The following LZTS2 variants were observed in gnomAD, a reference collection of about 807,000 sequenced individuals.
The protein encoded by LZTS2 is leucine zipper tumor suppressor 2, also known as leucine zipper putative tumor suppressor 2.
LZTS2 carries 32 observed loss-of-function variants against 60.6 expected under a neutral mutation model. The ratio of observed to expected loss-of-function variants is 0.53; its 90% CI spans 0.40 to 0.71. LZTS2 has a LOEUF of 0.71. LZTS2 is among the 30% of genes least tolerant of loss of function. The pLI, the probability that LZTS2 is intolerant of heterozygous loss-of-function variation, is 0.00. For synonymous variants in LZTS2, 360 were observed against 393.1 expected (o/e 0.92, Z 1.00); for missense variants, 792 against 901.9 (o/e 0.88, Z 1.56).
chr10:101,000,127 G>T (rs79377069), exon 1 of LZTS2: 12,965 of 152,458 alleles, frequency 0.085, 683 homozygotes, highest in Non-Finnish European at 0.12. Flanking sequence ...ACTCGTGATC[G>T]CAGACTTGAC....
intron 1 of LZTS2, 48 bp downstream of exon 2, chr10:101,002,994 G>T (rs375309532): frequency 6.5e-7 from 1 of 1,538,862 alleles, no homozygotes; most frequent in African/African-American, 1.4e-5. Flanking sequence ...GGGAGTCCTC[G>T]CTTGGGAAAC....
chr10:101,004,788 G>T (rs566287392), intron 2 of LZTS2, among the ~76,000 whole-genome samples: 1 of 152,314 alleles, frequency 6.6e-6, no homozygotes, highest in East Asian at 1.9e-4. Context: ...AAGGCAAAAG[G>T]TGTAAAGTGA....
At chr10:101,006,873 G>A (rs867826330) in exon 4 of LZTS2, 8 of 1,527,852 alleles carry the variant, frequency 5.2e-6, no homozygotes, top group Middle Eastern at 1.9e-4. Flanking sequence ...GGCAGCTTGC[G>A]GGCCCAGGTG....
At chr10:101,003,819 A>T in exon 2 of LZTS2, 9 of 1,613,416 alleles carry the variant, frequency 5.6e-6, no homozygotes, top group Non-Finnish European at 7.6e-6. Context: ...GCCAACCACC[A>T]GCTCCCCAGG....
intron 2 of LZTS2, among the ~76,000 whole-genome samples, chr10:101,004,746 C>T (rs1232960795): frequency 6.6e-6 from 1 of 152,166 alleles, no homozygotes; most frequent in Non-Finnish European, 1.5e-5. Context: ...AGGGATATTT[C>T]TAGCTTCGTA....
At chr10:100,998,017 AC>A (rs551709391), upstream of LZTS2, among the ~76,000 whole-genome samples, 1 of 152,204 alleles carries the variant, frequency 6.6e-6, no homozygotes, top group African/African-American at 2.4e-5. Context: ...CCCGCCTGTT[AC>A]CGCCAGCCCA....
At chr10:101,002,562 A>G in exon 1 of LZTS2, 1 of 1,531,594 alleles carries the variant, frequency 6.5e-7, no homozygotes, top group South Asian at 1.3e-5. Context: ...AGACTCTGCC[A>G]GTGCCACTGG....
At chr10:101,002,910 A>C in exon 1 of LZTS2, 1 of 1,612,946 alleles carries the variant, frequency 6.2e-7, no homozygotes, top group Non-Finnish European at 8.5e-7. Context: ...GCGGCCCACC[A>C]CCAAAGCTCA....
At chr10:101,007,615 T>C (rs895580606) in exon 4 of LZTS2, 30 of 1,256,808 alleles carry the variant, frequency 2.4e-5, no homozygotes, top group African/African-American at 3.1e-5. Context: ...CTGGGCTCGG[T>C]TCCCAGGTTT....
At chr10:101,002,326 G>A in exon 1 of LZTS2, 1 of 474,242 alleles carries the variant, frequency 2.1e-6, no homozygotes, top group Non-Finnish European at 3.6e-6. Context: ...CCAGCATTGG[G>A]CAGTGTGGTT....
In LZTS2 at chr10:101,005,836, G is replaced by A. The variant is rs868635464; in HGVS notation, c.1326+121G>A. 59 of 1,291,750 alleles carry A rather than the reference G, an allele frequency of 4.6e-5. No homozygotes were observed. The Middle Eastern group carries it at 8.4e-4, about 18-fold the overall frequency. The allele number at this position is 1,291,750 out of a possible 1,614,324, so 80.0% of individuals were successfully genotyped here. ...AGAGGTCCTCCCCTTTCTCACCTCC[G>A]TGAGATGAGGTTCCCCTCTGTCCCT... On this transcript the variant is annotated intron_variant, in intron 3 of 3. Transcript: ENST00000370220.
rs114924102 is a variant in LZTS2, at chr10:101,005,433, G to A, written c.1069-25G>A. 1,174 of 1,524,220 alleles carry A rather than the reference G, an allele frequency of 7.7e-4. 4 individuals are homozygous for A. The African/African-American group carries it at 0.014, about 18-fold the overall frequency. 94.4% of individuals were successfully genotyped at this position (1,524,220 alleles called of 1,614,324 possible). A position where few individuals can be genotyped will look rare whatever the true frequency, so the allele number is the denominator to read the frequency against. Reference sequence around the variant, plus strand: ...GGGGAGTTGGGAAAACTGCCCAGGAGCCAGGTCTCTCTTCTCGCCTGCAGG... The same window carrying A: ...GGGGAGTTGGGAAAACTGCCCAGGAACCAGGTCTCTCTTCTCGCCTGCAGG... On this transcript the variant is annotated intron_variant, in intron 2 of 3. Coordinates refer to ENST00000370220, the Ensembl canonical transcript of LZTS2.
chr10:101,007,038 G>A lies in LZTS2; in HGVS notation c.1880G>A (p.Arg627His), dbSNP rs200472718. 292 of 1,592,638 alleles carry A rather than the reference G, an allele frequency of 1.8e-4. No individual in the cohort carries two copies. The highest frequency in any genetic ancestry group is 5.9e-4 in the Admixed American group (33 of 55,948). Residue 627 changes from arginine to histidine, a missense_variant, in exon 4 of 4, where the codon CGC (arginine) becomes CAC (histidine). Physicochemically the swap from Arg to His is conservative, Grantham distance 29. Coordinates refer to ENST00000370220, the Ensembl canonical transcript of LZTS2. Reference sequence around the variant, plus strand: ...CACAACTACATCCAGATGTACCGGCGCAACCGGCAGCTAGAGCAGGAGCTG... The same window carrying A: ...CACAACTACATCCAGATGTACCGGCACAACCGGCAGCTAGAGCAGGAGCTG...
chr10:101,004,211 C>A (rs1433009332), intron 2 of LZTS2, 45 bp downstream of exon 3: 18 of 1,549,468 alleles, frequency 1.2e-5, no homozygotes, highest in Non-Finnish European at 1.6e-5. Context: ...GCAGGACATC[C>A]CAAGGCCCTG....
chr10:101,006,066 G>A (rs1852181292), intron 3 of LZTS2, among the ~76,000 whole-genome samples: 2 of 152,318 alleles, frequency 1.3e-5, no homozygotes, highest in South Asian at 2.1e-4. Context: ...GCCCATAAAG[G>A]CTGAAGCCCC....
exon 4 of LZTS2, chr10:101,007,588 G>A (rs1044016576): frequency 7.7e-7 from 1 of 1,291,508 alleles, no homozygotes; most frequent in African/African-American, 1.5e-5. Flanking sequence ...TGCCCACATT[G>A]GGGGACAGGG....
At position 101,001,657 on chromosome 10, in the gene LZTS2, C is replaced by G. The variant is rs546332064; in HGVS notation, c.-882C>G. The G allele has an allele frequency of 2.0e-5, 3 of 152,372 alleles. No individual in the cohort carries two copies. In the South Asian group the frequency reaches 6.2e-4, roughly 32 times the overall value. 9.4% of individuals were successfully genotyped at this position (152,372 alleles called of 1,614,324 possible). A position where few individuals can be genotyped will look rare whatever the true frequency, so the allele number is the denominator to read the frequency against. ...GGGAGGTGGAGCCCTCTTGCCTGGGCTCTGTGGAAGTGAGGTTTTGGAGCA... is the reference window on the plus strand; with the variant it reads ...GGGAGGTGGAGCCCTCTTGCCTGGGGTCTGTGGAAGTGAGGTTTTGGAGCA... On this transcript the variant is annotated 5_prime_UTR_variant, in exon 1 of 4. Transcript: ENST00000370220.
intron 3 of LZTS2, 122 bp from the exon 5 acceptor site, chr10:101,006,363 T>TC: frequency 1.4e-6 from 2 of 1,439,844 alleles, no homozygotes; most frequent in Non-Finnish European, 1.8e-6. Context: ...CTTTAGTGTC[T>TC]CCATCTGTAA....
exon 4 of LZTS2, chr10:101,007,129 C>G: frequency 6.2e-7 from 1 of 1,607,488 alleles, no homozygotes; most frequent in South Asian, 1.1e-5. Context: ...AGCAGGCCCC[C>G]TGCATCTGCC....
Sources: gnomAD v4.1 joint callset for allele counts (sites outside exome capture counted in the v4.1 genomes callset) on GRCh38, gnomAD v4.1.1 for gene constraint, MANE v1.5 for transcripts, NCBI Gene and HGNC (gene_info 2026-07-23, HGNC 2026-07-21) for gene names.